TEAD4: variants seen among roughly 807,000 people sequenced by gnomAD.
TEAD4 encodes the protein TEA domain transcription factor 4.
TEAD4 carries 36 observed loss-of-function variants against 52.4 expected under a neutral mutation model. The ratio of observed to expected loss-of-function variants is 0.69; its 90% CI spans 0.53 to 0.91. The LOEUF (loss-of-function observed/expected upper bound fraction) is 0.91. TEAD4 is among the 40% of genes least tolerant of loss of function. The probability of loss-of-function intolerance (pLI) is 0.00; values close to 1 mark genes in which losing one functional copy is unlikely to be tolerated. For missense variants in TEAD4, 508 were observed against 583.9 expected (o/e 0.87, Z 1.34); for synonymous variants, 220 against 231.0 (o/e 0.95, Z 0.43).
At chr12:3,003,782 C>T (rs1310161762) in intron 3 of TEAD4, among the ~76,000 whole-genome samples, 1 of 152,188 alleles carries the variant, frequency 6.6e-6, no homozygotes, top group Admixed American at 6.5e-5. Context: ...AGGCCACCTG[C>T]CACGTTGCAA....
intron 9 of TEAD4, 119 bp downstream of exon 9, chr12:3,020,892 G>C (rs927432840): frequency 2.9e-5 from 34 of 1,159,248 alleles, no homozygotes; most frequent in Middle Eastern, 2.1e-4. Flanking sequence ...GTTCCTTTCC[G>C]ATCTTCCCTT....
intron 3 of TEAD4, among the ~76,000 whole-genome samples, chr12:3,009,486 AG>A (rs1236445485): frequency 6.6e-6 from 1 of 152,230 alleles, no homozygotes; most frequent in Non-Finnish European, 1.5e-5. Context: ...AAGTCCTTAA[AG>A]GGAAGAGACT....
At chr12:2,961,316 A>G (rs572080997) in intron 2 of TEAD4, among the ~76,000 whole-genome samples, 1 of 152,062 alleles carries the variant, frequency 6.6e-6, no homozygotes, top group East Asian at 1.9e-4. Flanking sequence ...TTCCTTTGAG[A>G]AGAGGAATGA....
chr12:3,003,013 C>T (rs2098252894), intron 3 of TEAD4, among the ~76,000 whole-genome samples: 1 of 152,200 alleles, frequency 6.6e-6, no homozygotes, highest in Non-Finnish European at 1.5e-5. Flanking sequence ...TTCAGTTGAT[C>T]CCTGGATAGC....
rs1018063437 is a variant in TEAD4 at position 3,020,734 on chromosome 12, G to A, written c.684G>A (p.Glu228=). 5 of 1,608,384 alleles carry A rather than the reference G, an allele frequency of 3.1e-6. No individual in the cohort carries two copies. The highest frequency in any genetic ancestry group is 3.4e-6 in the Non-Finnish European group (4 of 1,177,318). The stretch of plus-strand genomic sequence containing the variant: ...CCAGCTCCAAGCTCTGGATGTTGGA[G>A]TTCTCTGCCTTCCTGGAGCAGCAGC... Residue 228 remains glutamate (E), a synonymous_variant, in exon 9 of 13, where the codon GAG becomes GAA. Coordinates refer to ENST00000359864, the MANE Select transcript of TEAD4 (RefSeq NM_003213.4).
At chr12:2,977,425 G>C (rs1189811163) in intron 2 of TEAD4, among the ~76,000 whole-genome samples, 1 of 152,146 alleles carries the variant, frequency 6.6e-6, no homozygotes, top group Non-Finnish European at 1.5e-5. Context: ...CCTTAGCCTG[G>C]GAAGGATTGT....
intron 2 of TEAD4, among the ~76,000 whole-genome samples, chr12:2,965,033 G>T (rs775894666): frequency 6.6e-6 from 1 of 152,196 alleles, no homozygotes; most frequent in Non-Finnish European, 1.5e-5. Context: ...GACCTGGAAG[G>T]AGGGTAGGAG....
intron 8 of TEAD4, 123 bp from the exon 9 acceptor site, chr12:3,020,511 G>A: frequency 8.1e-7 from 1 of 1,241,638 alleles, no homozygotes; most frequent in Non-Finnish European, 1.1e-6. Context: ...GGTCCATTTA[G>A]GGAGACAGGC....
intron 5 of TEAD4, 138 bp from the exon 6 acceptor site, chr12:3,017,260 C>A: frequency 8.8e-7 from 1 of 1,133,388 alleles, no homozygotes; most frequent in Non-Finnish European, 1.3e-6. Flanking sequence ...GTTAATAGCA[C>A]GGCACAGACT....
At chr12:3,035,031 G>A (rs537394330) in intron 10 of TEAD4, among the ~76,000 whole-genome samples, 16 of 152,238 alleles carry the variant, frequency 1.1e-4, no homozygotes, top group Middle Eastern at 6.8e-3. Flanking sequence ...AACCCGGCAG[G>A]CGAAGGTTGC....
intron 2 of TEAD4, among the ~76,000 whole-genome samples, chr12:2,967,037 A>G (rs1332596043): frequency 6.6e-6 from 1 of 152,204 alleles, no homozygotes; most frequent in Non-Finnish European, 1.5e-5. Context: ...CGTTGAGGGT[A>G]GCAAACATTG....
intron 8 of TEAD4, 95 bp downstream of exon 8, chr12:3,019,265 G>A: frequency 7.2e-7 from 1 of 1,394,674 alleles, no homozygotes; most frequent in South Asian, 1.2e-5. Flanking sequence ...GCGTGTCCCT[G>A]TTAGATGCTG....
At chr12:2,970,030 A>C (rs1324871429) in intron 2 of TEAD4, among the ~76,000 whole-genome samples, 1 of 152,216 alleles carries the variant, frequency 6.6e-6, no homozygotes. Context: ...GTTTGAGACC[A>C]GCCTGGGCAA....
Position 2,994,776 on chromosome 12 carries a change from A to C in TEAD4, c.10A>C (p.Thr4Pro). The C allele has an allele frequency of 6.2e-7, 1 of 1,610,898 alleles. No individual in the cohort carries two copies. The highest frequency in any genetic ancestry group is 1.1e-5 in the South Asian group (1 of 90,804). ...TCCTCCAAGCGGAGCCTTGGAGGGC[A>C]CGGCCGGCACCATTACCTCCAACGA... The change falls in exon 3 of 13, where the codon ACG becomes CCG. Residue 4 changes from threonine (T) to proline (P), a missense_variant. Coordinates refer to ENST00000359864, the MANE Select transcript of TEAD4 (RefSeq NM_003213.4). This position sits in a 1 kb window ranked among gnomAD's most constrained non-coding sequence, Gnocchi z 4.7.
Position 3,040,246 on chromosome 12 carries a change from TCAC to T in TEAD4, c.1181_1183del (p.Thr394del). The T allele has an allele frequency of 6.2e-7, 1 of 1,614,192 alleles. No individual in the cohort carries two copies. Among genetic ancestry groups the T allele is most frequent in the Non-Finnish European group, 8.5e-7 (1 of 1,180,030 alleles). On this transcript the variant is annotated inframe_deletion, in exon 12 of 13. Transcript: ENST00000359864. ...ATGATGAACAGCGTGCTGGAGAACT[TCAC>T]CATCCTGCAGGTGTGCGGCGGGTGC...
intron 10 of TEAD4, among the ~76,000 whole-genome samples, chr12:3,035,839 G>A (rs55972182): frequency 0.88 from 114,805 of 131,162 alleles, 52,107 homozygotes; most frequent in East Asian, 0.99. Context: ...AAAAAAAAAA[G>A]AAGAAGAAGA....
chr12:3,017,003 T>A, intron 5 of TEAD4: 1 of 444,890 alleles, frequency 2.2e-6, no homozygotes. Flanking sequence ...TGGCCAGGGA[T>A]GATGCTTCCT....
chr12:3,023,137 T>A (rs2098269809), intron 10 of TEAD4, among the ~76,000 whole-genome samples: 1 of 152,172 alleles, frequency 6.6e-6, no homozygotes, highest in East Asian at 1.9e-4. Context: ...CCCTGACCTT[T>A]AAGACACTTA....
chr12:2,988,971 T>G (rs2098240916), intron 2 of TEAD4, among the ~76,000 whole-genome samples: 1 of 152,168 alleles, frequency 6.6e-6, no homozygotes, highest in Non-Finnish European at 1.5e-5. Flanking sequence ...TAGAATAAGC[T>G]GGTAAAGGTA....
Sources: gnomAD v4.1 joint callset for allele counts (sites outside exome capture counted in the v4.1 genomes callset) on GRCh38, gnomAD v4.1.1 for gene constraint, Gnocchi (gnomAD v3.1) non-coding constraint, MANE v1.5 for transcripts, NCBI Gene and HGNC (gene_info 2026-07-23, HGNC 2026-07-21) for gene names.